EFL1: variants seen among roughly 807,000 people sequenced by gnomAD.
The protein encoded by EFL1 is elongation factor-like GTPase 1.
A neutral mutation model predicts 126.7 loss-of-function variants in EFL1; 76 were observed. The observed-to-expected ratio is 0.60, with a 90% CI of 0.50 to 0.73. The LOEUF is 0.73. Among genes scored for constraint, EFL1 ranks in the 30% least tolerant of loss-of-function variants. EFL1 has a pLI of 0.00. For synonymous variants in EFL1, 410 were observed against 448.4 expected, an observed-to-expected ratio of 0.91 and a Z score of 1.08; for missense variants, 1,128 against 1,343.2, an observed-to-expected ratio of 0.84 and a Z score of 2.50.
chr15:82,132,775 G>C, intron 19 of EFL1, among the ~76,000 whole-genome samples: 1 of 151,496 alleles, frequency 6.6e-6, no homozygotes, highest in East Asian at 1.9e-4. Context: ...TGGGGAGGAA[G>C]CTCAGTCCTG....
At chr15:82,246,626 G>A (rs1374785149) in intron 4 of EFL1, among the ~76,000 whole-genome samples, 1 of 152,100 alleles carries the variant, frequency 6.6e-6, no homozygotes, top group Non-Finnish European at 1.5e-5. Flanking sequence ...ATGGATACAA[G>A]CCAGTACAGA....
chr15:82,154,484 C>T (rs777458671), intron 17 of EFL1, among the ~76,000 whole-genome samples: 12 of 152,290 alleles, frequency 7.9e-5, no homozygotes, highest in East Asian at 7.7e-4. Context: ...ACATTATACA[C>T]ATTCTTAATG....
At chr15:82,250,471 C>T (rs1284723283) in intron 4 of EFL1, among the ~76,000 whole-genome samples, 5 of 135,284 alleles carry the variant, frequency 3.7e-5, no homozygotes, top group East Asian at 2.1e-4. Context: ...TAAGCAGAGC[C>T]GCATCCTGCT....
chr15:82,219,923 A>AG, intron 13 of EFL1, 105 bp from the exon 14 acceptor site: 1 of 1,486,208 alleles, frequency 6.7e-7, no homozygotes, highest in Non-Finnish European at 9.0e-7. Context: ...GTCAAGTTTC[A>AG]GGAAAAAAAA....
chr15:82,225,212 G>A lies in EFL1; in HGVS notation c.1245C>T (p.Ser415=), dbSNP rs771171710. The A allele has an allele frequency of 6.2e-7, 1 of 1,611,266 alleles. No homozygotes were observed. Among genetic ancestry groups the A allele is most frequent in the East Asian group, 2.2e-5 (1 of 44,672 alleles). Residue 415 remains serine, a synonymous_variant, in exon 12 of 20, where the codon TCC becomes TCT. Coordinates refer to ENST00000268206, the MANE Select transcript of EFL1 (RefSeq NM_024580.6). ...EDTAPVIIFV[S]KMFAVDAKAL... ...CCTTAGCATCAACTGCAAACATTTT[G>A]GAAACAAATATAATAACTGGAGCAG...
At position 82,261,852 on chromosome 15, in the gene EFL1, G is replaced by GA. The variant is rs3832990; in HGVS notation, c.-19-56dup. 5.8e-6 allele frequency: 8 copies of GA among 1,373,862 alleles called. No individual in the cohort carries two copies. In the African/African-American group the frequency reaches 5.9e-5, roughly 10 times the overall value. The allele number at this position is 1,373,862 out of a possible 1,614,324, so 85.1% of individuals were successfully genotyped here. A position where few individuals can be genotyped will look rare whatever the true frequency, so the allele number is the denominator to read the frequency against. Reference sequence around the variant, plus strand: ...CCAGAGGCTAAAGGTCGGGGCAAAAGAAAAAAATAATAATAAACGCTGGGA... The same window carrying GA: ...CCAGAGGCTAAAGGTCGGGGCAAAAGAAAAAAAATAATAATAAACGCTGGGA... On this transcript the variant is annotated intron_variant, in intron 1 of 19. Coordinates refer to ENST00000268206, the MANE Select transcript of EFL1 (RefSeq NM_024580.6).
chr15:82,149,687 C>G (rs1449825351), intron 18 of EFL1, among the ~76,000 whole-genome samples: 1 of 151,962 alleles, frequency 6.6e-6, no homozygotes, highest in African/African-American at 2.4e-5. Flanking sequence ...GAGTTTTTCT[C>G]CTGGATATAA....
chr15:82,233,070 A>C (rs1166395751), intron 7 of EFL1, among the ~76,000 whole-genome samples: 4 of 152,186 alleles, frequency 2.6e-5, no homozygotes, highest in Non-Finnish European at 5.9e-5. Flanking sequence ...AAATTATAGT[A>C]AGACATTTGC....
At chr15:82,255,901 G>A (rs945612817) in intron 3 of EFL1, among the ~76,000 whole-genome samples, 4 of 151,976 alleles carry the variant, frequency 2.6e-5, no homozygotes, top group African/African-American at 4.8e-5. Context: ...CTTCAGTCCC[G>A]GCTATTAATT....
At chr15:82,237,676 G>A (rs1386732253) in intron 7 of EFL1, among the ~76,000 whole-genome samples, 1 of 149,512 alleles carries the variant, frequency 6.7e-6, no homozygotes, top group Non-Finnish European at 1.5e-5. Flanking sequence ...CCAGAGAAAT[G>A]AAACTTATGT....
At chr15:82,182,958 G>A (rs549766661) in intron 15 of EFL1, among the ~76,000 whole-genome samples, 1 of 152,304 alleles carries the variant, frequency 6.6e-6, no homozygotes, top group Admixed American at 6.5e-5. Context: ...CCAACCTTAT[G>A]CCAGCATTGG....
intron 15 of EFL1, among the ~76,000 whole-genome samples, chr15:82,184,090 C>T (rs1053809627): frequency 3.3e-5 from 5 of 152,178 alleles, no homozygotes; most frequent in South Asian, 2.1e-4. Context: ...CTAGCTGTCA[C>T]TATAATCAGT....
At chr15:82,211,572 A>C (rs2074587956) in intron 15 of EFL1, among the ~76,000 whole-genome samples, 1 of 130,880 alleles carries the variant, frequency 7.6e-6, no homozygotes. Context: ...ACACACACAC[A>C]CACACACACT....
chr15:82,134,943 T>C (rs947912789), intron 19 of EFL1, among the ~76,000 whole-genome samples: 1 of 152,220 alleles, frequency 6.6e-6, no homozygotes, highest in Non-Finnish European at 1.5e-5. Context: ...TATGGTGTGG[T>C]AGAATACAAA....
At chr15:82,165,121 C>G (rs2074065438) in intron 15 of EFL1, among the ~76,000 whole-genome samples, 1 of 151,950 alleles carries the variant, frequency 6.6e-6, no homozygotes, top group South Asian at 2.1e-4. Context: ...AAAATTCAGC[C>G]AGGCATGGTG....
chr15:82,208,339 G>A (rs117220998), intron 15 of EFL1, among the ~76,000 whole-genome samples: 2,203 of 152,160 alleles, frequency 0.014, 23 homozygotes, highest in Non-Finnish European at 0.023. Flanking sequence ...TATACAATAC[G>A]GCAACCGCTA....
At chr15:82,152,475 A>T in intron 17 of EFL1, 52 bp from the exon 18 acceptor site, 6 of 1,460,844 alleles carry the variant, frequency 4.1e-6, no homozygotes, top group Non-Finnish European at 4.6e-6. Flanking sequence ...AAATAGCATC[A>T]AAGCTCCTGT....
chr15:82,247,415 G>A (rs570680154), intron 4 of EFL1, among the ~76,000 whole-genome samples: 1 of 152,190 alleles, frequency 6.6e-6, no homozygotes, highest in South Asian at 2.1e-4. Context: ...GAGTCCGGGT[G>A]CCAAATTCAC....
chr15:82,135,244 G>A (rs1490745589), intron 19 of EFL1, among the ~76,000 whole-genome samples: 2 of 151,336 alleles, frequency 1.3e-5, no homozygotes, highest in Non-Finnish European at 3.0e-5. Context: ...ATGTAGCTAA[G>A]CCAGAAAGTA....
Sources: gnomAD v4.1 joint callset for allele counts (sites outside exome capture counted in the v4.1 genomes callset) on GRCh38, gnomAD v4.1.1 for gene constraint, MANE v1.5 for transcripts, NCBI Gene and HGNC (gene_info 2026-07-23, HGNC 2026-07-21) for gene names.